Variants in GALNT14 observed in about 807,000 individuals in gnomAD.
GALNT14 encodes the protein UDP-GalNAc:polypeptide N-acetylgalactosaminyltransferase 14.
Under a neutral mutation model 77.5 loss-of-function variants are expected in GALNT14, and 60 were observed. The observed-to-expected ratio is 0.77, with a 90% CI of 0.63 to 0.96. GALNT14 has a LOEUF of 0.96. Among genes scored for constraint, GALNT14 ranks in the 40% least tolerant of loss-of-function variants. GALNT14 has a pLI of 0.00. For missense variants in GALNT14, 710 were observed against 731.0 expected, an observed-to-expected ratio of 0.97 and a Z score of 0.33; for synonymous variants, 280 against 281.7, an observed-to-expected ratio of 0.99 and a Z score of 0.06.
intron 1 of GALNT14, among the ~76,000 whole-genome samples, chr2:31,136,446 G>T (rs1485618114): frequency 6.6e-6 from 1 of 152,132 alleles, no homozygotes. Flanking sequence ...CCTCCAGGGA[G>T]ACCTCAGGCT....
chr2:30,894,717 A>G, the GALNT14 span, among the ~76,000 whole-genome samples: 1 of 152,284 alleles, frequency 6.6e-6, no homozygotes, highest in East Asian at 1.9e-4. Flanking sequence ...ATTACCCTGA[A>G]GCTGCCTTGG....
chr2:30,898,651 T>G, the GALNT14 span, among the ~76,000 whole-genome samples: 585 of 152,356 alleles, frequency 3.8e-3, 8 homozygotes, highest in South Asian at 0.022. Flanking sequence ...CTAGCCTTTA[T>G]GCTTTAGTGG....
At chr2:31,045,831 T>C (rs982028291) in intron 1 of GALNT14, among the ~76,000 whole-genome samples, 8 of 152,116 alleles carry the variant, frequency 5.3e-5, no homozygotes, top group African/African-American at 1.9e-4. Flanking sequence ...TAAAGTAAAA[T>C]GTAAAATTTT....
intron 1 of GALNT14, among the ~76,000 whole-genome samples, chr2:31,136,321 G>A (rs957914312): frequency 1.3e-5 from 2 of 150,428 alleles, no homozygotes; most frequent in Non-Finnish European, 2.9e-5. Flanking sequence ...CTCACACAAC[G>A]TGCTGTGTCA....
intron 1 of GALNT14, among the ~76,000 whole-genome samples, chr2:31,109,123 G>A (rs1251320646): frequency 2.0e-5 from 3 of 152,196 alleles, no homozygotes; most frequent in Admixed American, 2.0e-4. Flanking sequence ...GAGGCCTTGT[G>A]CTTGGTGAAT....
chr2:31,121,194 C>A (rs1678395191), intron 1 of GALNT14, among the ~76,000 whole-genome samples: 1 of 152,204 alleles, frequency 6.6e-6, no homozygotes, highest in Non-Finnish European at 1.5e-5. Context: ...CATGGCCCTG[C>A]CAAGGCTTCA....
At chr2:31,050,973 A>G (rs1673825057) in intron 1 of GALNT14, among the ~76,000 whole-genome samples, 1 of 152,130 alleles carries the variant, frequency 6.6e-6, no homozygotes, top group Admixed American at 6.5e-5. Flanking sequence ...CGTTCTTCCC[A>G]CAGAGATGAA....
intron 1 of GALNT14, among the ~76,000 whole-genome samples, chr2:31,039,210 C>G (rs535191314): frequency 6.6e-6 from 1 of 152,300 alleles, no homozygotes; most frequent in African/African-American, 2.4e-5. Context: ...GGAAGTGTTA[C>G]AATCACTGAC....
chr2:31,086,219 G>T (rs1021005334), intron 1 of GALNT14, among the ~76,000 whole-genome samples: 1 of 152,144 alleles, frequency 6.6e-6, no homozygotes, highest in African/African-American at 2.4e-5. Context: ...ACTAAACCTT[G>T]GTCTTCAGGC....
At chr2:31,018,281 T>C (rs115164137) in intron 1 of GALNT14, among the ~76,000 whole-genome samples, 2,277 of 152,360 alleles carry the variant, frequency 0.015, 34 homozygotes, top group Non-Finnish European at 0.026. Flanking sequence ...GCTGAAGAGT[T>C]GTATTAGTTT....
chr2:31,011,193 T>C lies in GALNT14; in HGVS notation c.130-18186A>G, dbSNP rs185562788. 6.8e-4 allele frequency among the ~76,000 whole-genome samples: 103 copies of C among 152,366 alleles called. 1 individual carries two copies. The highest frequency in any genetic ancestry group is 2.5e-3 in the African/African-American group (103 of 41,592). ...CTCCCTCAACTGAGAGTTAGCTGTC[T>C]GGCTGTCTATTCTGCAAAACTGTGA... On this transcript the variant is annotated intron_variant, in intron 1 of 14. Coordinates refer to ENST00000349752, the MANE Select transcript of GALNT14 (RefSeq NM_024572.4).
At chr2:31,050,716 C>A (rs958646804) in intron 1 of GALNT14, among the ~76,000 whole-genome samples, 2 of 151,774 alleles carry the variant, frequency 1.3e-5, no homozygotes, top group African/African-American at 4.8e-5. Flanking sequence ...TGGAAACTCC[C>A]TAGTCTCTTT....
At position 30,924,288 on chromosome 2, in the gene GALNT14, G is replaced by C. The variant is rs1572974224; in HGVS notation, c.1236-25C>G. ...GCTGGAGGAGAGTCACAGGGAGAGA[G>C]GAGAGTCCACTGCTCATTGGATTAG... is the stretch of plus-strand genomic sequence containing the variant. On this transcript the variant is annotated intron_variant, in intron 12 of 14. Transcript: ENST00000349752. 2.5e-6 allele frequency: 4 copies of C among 1,613,410 alleles called. No homozygotes were observed. In the East Asian group the frequency reaches 8.9e-5, roughly 36 times the overall value.
intron 1 of GALNT14, among the ~76,000 whole-genome samples, chr2:31,096,665 C>G (rs987316955): frequency 6.6e-6 from 1 of 152,162 alleles, no homozygotes; most frequent in African/African-American, 2.4e-5. Context: ...GAAGGTAAAT[C>G]ATGTGTCCAC....
chr2:30,899,460 G>T, the GALNT14 span, among the ~76,000 whole-genome samples: 1 of 152,286 alleles, frequency 6.6e-6, no homozygotes, highest in Admixed American at 6.5e-5. Context: ...GCAGGTGCAG[G>T]CATTCTGGGC....
chr2:31,051,659 C>A (rs1045562596), intron 1 of GALNT14, among the ~76,000 whole-genome samples: 1 of 152,176 alleles, frequency 6.6e-6, no homozygotes, highest in African/African-American at 2.4e-5. Flanking sequence ...TTTGAAGAAC[C>A]TTGACTAATA....
At chr2:31,085,455 T>C (rs1676382175) in intron 1 of GALNT14, among the ~76,000 whole-genome samples, 1 of 152,214 alleles carries the variant, frequency 6.6e-6, no homozygotes, top group Non-Finnish European at 1.5e-5. Context: ...AAGGGAAGGT[T>C]AATCACAGGG....
the GALNT14 span, among the ~76,000 whole-genome samples, chr2:30,887,271 A>G: frequency 2.2e-4 from 34 of 152,152 alleles, no homozygotes; most frequent in African/African-American, 8.2e-4. Flanking sequence ...TGGTAACTCT[A>G]TGTTTAACTT....
intron 6 of GALNT14, among the ~76,000 whole-genome samples, chr2:30,953,305 CTTT>C (rs34668885): frequency 1.4e-4 from 16 of 117,074 alleles, no homozygotes; most frequent in African/African-American, 1.4e-4. Context: ...AATTTCCTTC[CTTT>C]TTTTTTTTTT....
Sources: gnomAD v4.1 joint callset for allele counts (sites outside exome capture counted in the v4.1 genomes callset) on GRCh38, gnomAD v4.1.1 for gene constraint, MANE v1.5 for transcripts, NCBI Gene and HGNC (gene_info 2026-07-23, HGNC 2026-07-21) for gene names.